The following MAP4 variants were observed in gnomAD, a reference collection of about 807,000 sequenced individuals.
MAP4 encodes the protein microtubule-associated protein 4.
Under a neutral mutation model 170.2 loss-of-function variants are expected in MAP4, and 76 were observed. The ratio of observed to expected loss-of-function variants is 0.45; its 90% CI spans 0.37 to 0.54. The LOEUF (loss-of-function observed/expected upper bound fraction) is 0.54, where lower values mean the gene tolerates loss of function less well. Among genes scored for constraint, MAP4 ranks in the 20% least tolerant of loss-of-function variants. The pLI, the probability that MAP4 is intolerant of heterozygous loss-of-function variation, is 0.00. For synonymous variants in MAP4, 909 were observed against 994.5 expected, an observed-to-expected ratio of 0.91 and a Z score of 1.62; for missense variants, 2,506 against 2,748.0, an observed-to-expected ratio of 0.91 and a Z score of 1.97.
chr3:47,955,483 A>ACAC (rs2100067304), intron 3 of MAP4, among the ~76,000 whole-genome samples: 3 of 143,842 alleles, frequency 2.1e-5, no homozygotes, highest in African/African-American at 8.1e-5. Context: ...CACACACACT[A>ACAC]GTCAACTATA....
chr3:48,050,020 G>T (rs28416632), intron 1 of MAP4, among the ~76,000 whole-genome samples: 12,966 of 151,696 alleles, frequency 0.085, 1,834 homozygotes, highest in African/African-American at 0.29. Flanking sequence ...AGCAATTTGG[G>T]AGGCCAAGGC....
At chr3:48,041,567 G>C (rs1191435015) in intron 1 of MAP4, among the ~76,000 whole-genome samples, 4 of 152,130 alleles carry the variant, frequency 2.6e-5, no homozygotes, top group Non-Finnish European at 4.4e-5. Flanking sequence ...TACAGATTCA[G>C]GCACAGTGGC....
intron 11 of MAP4, 22 bp downstream of exon 11, chr3:47,877,395 T>C (rs1576940499): frequency 6.4e-7 from 1 of 1,561,094 alleles, no homozygotes; most frequent in South Asian, 1.1e-5. Flanking sequence ...CAGTAGAAGA[T>C]AACCACCATT....
In MAP4 at chr3:47,909,400, C is replaced by T. The variant is rs749821001; in HGVS notation, c.5021G>A (p.Ser1674Asn). The part of the protein sequence containing the change: ...KSENDKLKEI[S>N]LACKITELES... ...CAATTCCGTGATTTTACAAGCCAGACTAATTTCTTTCAATTTATCATTTTC... is the reference window on the plus strand; with the variant it reads ...CAATTCCGTGATTTTACAAGCCAGATTAATTTCTTTCAATTTATCATTTTC... The change falls in exon 9 of 21, where the codon AGT (serine) becomes AAT (asparagine). Residue 1674 changes from serine to asparagine, a missense_variant. Ser to Asn is a conservative substitution (Grantham distance 46, BLOSUM62 1). Transcript: ENST00000683076. 11 of 1,613,604 alleles carry T rather than the reference C, an allele frequency of 6.8e-6. No homozygotes were observed. In the South Asian group the frequency reaches 8.8e-5, roughly 13 times the overall value.
chr3:47,929,957 C>A (rs2100048506), intron 3 of MAP4, among the ~76,000 whole-genome samples: 1 of 151,584 alleles, frequency 6.6e-6, no homozygotes, highest in African/African-American at 2.4e-5. Context: ...GGTGACACCC[C>A]ATCTCTACTA....
At chr3:47,987,573 C>T (rs1048673072) in intron 2 of MAP4, 11 of 507,732 alleles carry the variant, frequency 2.2e-5, no homozygotes, top group Non-Finnish European at 3.5e-5. Context: ...CCTCCAAACT[C>T]CGGACTCCTT....
chr3:47,990,208 T>G (rs2100091302), intron 2 of MAP4, among the ~76,000 whole-genome samples: 1 of 152,270 alleles, frequency 6.6e-6, no homozygotes, highest in Admixed American at 6.5e-5. Context: ...GGAGAAATTC[T>G]GCAGTATCTA....
intron 3 of MAP4, among the ~76,000 whole-genome samples, chr3:47,962,218 G>C (rs2154176578): frequency 6.6e-6 from 1 of 152,332 alleles, no homozygotes; most frequent in African/African-American, 2.4e-5. Context: ...CACTGCCTAT[G>C]GGTTAGCCCT....
intron 1 of MAP4, among the ~76,000 whole-genome samples, chr3:48,049,382 G>A (rs182443977): frequency 1.9e-4 from 29 of 152,190 alleles, no homozygotes; most frequent in Non-Finnish European, 3.4e-4. Context: ...CACTTTGGGA[G>A]GCCAAGGCAG....
chr3:48,040,393 C>G (rs1015761691), intron 1 of MAP4, among the ~76,000 whole-genome samples: 1 of 150,918 alleles, frequency 6.6e-6, no homozygotes, highest in Non-Finnish European at 1.5e-5. Context: ...CTCAGCCTCC[C>G]GAGTAGCTGA....
chr3:48,054,500 G>A (rs1344349935), intron 1 of MAP4, among the ~76,000 whole-genome samples: 2 of 150,738 alleles, frequency 1.3e-5, no homozygotes, highest in East Asian at 3.9e-4. Flanking sequence ...TGTGGTGGCG[G>A]GCGCCTGTAA....
At chr3:47,962,999 G>A (rs1467200743) in intron 3 of MAP4, among the ~76,000 whole-genome samples, 2 of 152,132 alleles carry the variant, frequency 1.3e-5, no homozygotes, top group Non-Finnish European at 2.9e-5. Context: ...CCCACTGGAG[G>A]GCCAGGCTTG....
chr3:47,977,646 T>C (rs1200539944), intron 3 of MAP4, among the ~76,000 whole-genome samples: 9 of 152,214 alleles, frequency 5.9e-5, no homozygotes, highest in Non-Finnish European at 1.3e-4. Context: ...ACAGCTCCAA[T>C]AAATATTCAA....
intron 10 of MAP4, among the ~76,000 whole-genome samples, chr3:47,887,821 T>A (rs554532025): frequency 6.7e-6 from 1 of 148,518 alleles, no homozygotes; most frequent in Admixed American, 6.7e-5. Context: ...AAAACCTTTA[T>A]GTCTAGCTCA....
chr3:48,026,790 CCAA>C (rs1214921048), intron 1 of MAP4, among the ~76,000 whole-genome samples: 3 of 152,092 alleles, frequency 2.0e-5, no homozygotes, highest in African/African-American at 4.8e-5. Flanking sequence ...TATAGAACCA[CCAA>C]CAATTAATTA....
chr3:48,030,243 T>A (rs968700423), intron 1 of MAP4, among the ~76,000 whole-genome samples: 57 of 151,204 alleles, frequency 3.8e-4, no homozygotes, highest in Middle Eastern at 3.4e-3. Context: ...TAAAAAAAAA[T>A]TTAAACACAG....
rs1285793821 is a variant in MAP4, at chr3:47,852,892, G to A, written c.*42C>T. 2 of 1,600,938 alleles carry A rather than the reference G, an allele frequency of 1.2e-6. No individual in the cohort carries two copies. The highest frequency in any genetic ancestry group is 1.3e-5 in the African/African-American group (1 of 74,586). On this transcript the variant is annotated 3_prime_UTR_variant, in exon 21 of 21. Coordinates refer to ENST00000683076, the MANE Select transcript of MAP4 (RefSeq NM_001385682.1). ...GGAGACAATGTCGGCCCCGTGGTCG[G>A]TGCGGGCCCTGGCATTTGCCCGGAA...
At chr3:48,083,945 G>A (rs955807677) in intron 1 of MAP4, among the ~76,000 whole-genome samples, 12 of 151,264 alleles carry the variant, frequency 7.9e-5, no homozygotes, top group Middle Eastern at 3.4e-3. Flanking sequence ...GGCTGGTCTC[G>A]AACTCCTGAC....
chr3:47,876,136 CTTTTTT>C (rs4032093), intron 11 of MAP4, among the ~76,000 whole-genome samples: 1 of 92,250 alleles, frequency 1.1e-5, no homozygotes, highest in African/African-American at 5.4e-5. Context: ...CTTTTTCTTT[CTTTTTT>C]TTTTTTTTTG....
Sources: allele counts gnomAD v4.1 joint callset (sites outside exome capture counted in the v4.1 genomes callset), GRCh38; gene constraint gnomAD v4.1.1; transcripts MANE v1.5; gene names NCBI Gene and HGNC (gene_info 2026-07-23, HGNC 2026-07-21).